The following DYNC2H1 variants were observed in gnomAD, a reference collection of about 807,000 sequenced individuals.
The protein encoded by DYNC2H1 is cytoplasmic dynein 2 heavy chain 1.
In DYNC2H1, 410 loss-of-function variants were observed where a neutral mutation model predicts 570.0. That is an observed-to-expected ratio of 0.72 (90% CI 0.66 to 0.78). The LOEUF is 0.78. Among genes scored for constraint, DYNC2H1 ranks in the 30% least tolerant of loss-of-function variants. The pLI, the probability that DYNC2H1 is intolerant of heterozygous loss-of-function variation, is 0.00. For missense variants in DYNC2H1, 4,865 were observed against 5,046.4 expected (o/e 0.96, Z 1.09); for synonymous variants, 1,688 against 1,677.6 (o/e 1.01, Z -0.15).
chr11:103,422,274 T>C (rs745897346), intron 84 of DYNC2H1, among the ~76,000 whole-genome samples: 10 of 152,178 alleles, frequency 6.6e-5, no homozygotes, highest in Admixed American at 1.3e-4. Flanking sequence ...AAAGAAGAGC[T>C]GGTACCGTTT....
chr11:103,235,523 T>G, intron 61 of DYNC2H1, 149 bp from the exon 62 acceptor site: 1 of 631,826 alleles, frequency 1.6e-6, no homozygotes, highest in East Asian at 3.1e-5. Context: ...CTGAGATCTT[T>G]TTGATATTTT....
intron 83 of DYNC2H1, among the ~76,000 whole-genome samples, chr11:103,392,485 T>C (rs1192203623): frequency 6.6e-6 from 1 of 152,200 alleles, no homozygotes; most frequent in African/African-American, 2.4e-5. Flanking sequence ...GGCTCACACT[T>C]GGTGCGCTGC....
rs754365306 is a variant in DYNC2H1 at position 103,324,195 on chromosome 11, CAG to C, written c.12039+206_12039+207del. Among the ~76,000 whole-genome samples the C allele has an allele frequency of 5.9e-5, 9 of 151,954 alleles. 1 individual carries two copies. The highest frequency in any genetic ancestry group is 9.7e-5 in the African/African-American group (4 of 41,324). Reference sequence around the variant, plus strand: ...TCTTTTTAAACTTTTATTTTAGACTCAGGGGAAATGTGCAGATTTGTTACATA... The same window carrying C: ...TCTTTTTAAACTTTTATTTTAGACTCGGGAAATGTGCAGATTTGTTACATA... On this transcript the variant is annotated intron_variant, in intron 82 of 88. Coordinates refer to ENST00000375735, the MANE Select transcript of DYNC2H1 (RefSeq NM_001377.3). The surrounding 1 kb of genome is among the most constrained non-coding windows in gnomAD (Gnocchi z 5.2).
chr11:103,408,527 A>T (rs1793494), intron 84 of DYNC2H1, among the ~76,000 whole-genome samples: 3 of 151,708 alleles, frequency 2.0e-5, no homozygotes, highest in African/African-American at 7.3e-5. Context: ...TTTATGAAGT[A>T]GGCCCTATTT....
At chr11:103,412,319 TATG>T (rs961765490) in intron 84 of DYNC2H1, among the ~76,000 whole-genome samples, 4 of 152,096 alleles carry the variant, frequency 2.6e-5, no homozygotes. Flanking sequence ...TTTGATAACT[TATG>T]ATGATCTGCT....
At position 103,143,407 on chromosome 11, in the gene DYNC2H1, T is replaced by C. The variant is rs1860068093; in HGVS notation, c.2702+12T>C. On this transcript the variant is annotated intron_variant, in intron 18 of 88. Transcript: ENST00000375735. ...GAACGACTTCCAAGGTATTGGAGGT[T>C]AATGTAGTACTTACGTACCATAATA... 1 of 1,604,146 alleles carries C rather than the reference T, an allele frequency of 6.2e-7. No homozygotes were observed. Among genetic ancestry groups the C allele is most frequent in the Admixed American group, 1.7e-5 (1 of 58,238 alleles).
intron 83 of DYNC2H1, among the ~76,000 whole-genome samples, chr11:103,370,709 T>C (rs1824691629): frequency 6.6e-6 from 1 of 152,082 alleles, no homozygotes; most frequent in South Asian, 2.1e-4. Context: ...CCAGATCTAG[T>C]CCAAGACCAT....
chr11:103,376,548 A>G (rs1284297019), intron 83 of DYNC2H1, among the ~76,000 whole-genome samples: 1 of 152,156 alleles, frequency 6.6e-6, no homozygotes, highest in Non-Finnish European at 1.5e-5. Flanking sequence ...TTTTAAGCTG[A>G]TAATGTAACT....
intron 31 of DYNC2H1, among the ~76,000 whole-genome samples, chr11:103,167,165 A>G (rs910282767): frequency 5.3e-5 from 8 of 151,252 alleles, no homozygotes; most frequent in African/African-American, 1.9e-4. Context: ...TATATTTTTT[A>G]TTCCTTTGCT....
At chr11:103,380,380 A>G (rs1246634576) in intron 83 of DYNC2H1, among the ~76,000 whole-genome samples, 3 of 152,202 alleles carry the variant, frequency 2.0e-5, no homozygotes, top group Non-Finnish European at 2.9e-5. Context: ...CTAATATGCA[A>G]TAGGTACTAT....
intron 81 of DYNC2H1, among the ~76,000 whole-genome samples, chr11:103,323,581 T>G (rs1208663026): frequency 1.3e-5 from 2 of 152,006 alleles, no homozygotes; most frequent in African/African-American, 4.8e-5. Context: ...CCTAAAAACA[T>G]CTAACATGGT....
In DYNC2H1 at chr11:103,209,224, T is replaced by C. The variant is rs1340927696; in HGVS notation, c.8455-652T>C. Among the ~76,000 whole-genome samples, 1 of 152,096 alleles carries C rather than the reference T, an allele frequency of 6.6e-6. No homozygotes were observed. The highest frequency in any genetic ancestry group is 1.5e-5 in the Non-Finnish European group (1 of 67,998). On this transcript the variant is annotated intron_variant, in intron 52 of 88. Coordinates refer to ENST00000375735, the MANE Select transcript of DYNC2H1 (RefSeq NM_001377.3). This position sits in a 1 kb window ranked among gnomAD's most constrained non-coding sequence, Gnocchi z 4.2. ...TATCAGGTGAAAGAAATTGAAGCTA[T>C]TTGGCTTAATTTAAAATTTCAAAAT...
At chr11:103,149,060 ATAAATAAATAAG>A (rs1480934495) in intron 20 of DYNC2H1, among the ~76,000 whole-genome samples, 1 of 152,200 alleles carries the variant, frequency 6.6e-6, no homozygotes, top group Non-Finnish European at 1.5e-5. Context: ...CTGTCTCGAA[ATAAATAAATAAG>A]TAAATAAATA....
chr11:103,195,488 C>T (rs1862479996), intron 47 of DYNC2H1, among the ~76,000 whole-genome samples: 1 of 152,168 alleles, frequency 6.6e-6, no homozygotes, highest in Non-Finnish European at 1.5e-5. Flanking sequence ...TTTCTGGGTT[C>T]TCCATTGATG....
chr11:103,354,010 C>G (rs1405662013), intron 82 of DYNC2H1, among the ~76,000 whole-genome samples: 1 of 151,716 alleles, frequency 6.6e-6, no homozygotes, highest in African/African-American at 2.4e-5. Context: ...AACTCTGTTC[C>G]TATTAAAAAT....
At chr11:103,320,958 A>C in intron 80 of DYNC2H1, 71 bp from the exon 81 acceptor site, 1 of 1,193,280 alleles carries the variant, frequency 8.4e-7, no homozygotes, top group Non-Finnish European at 1.2e-6. Flanking sequence ...CATGTTATAA[A>C]TATAACTCAA....
chr11:103,432,243 A>G (rs1244523353), intron 84 of DYNC2H1, among the ~76,000 whole-genome samples: 1 of 152,136 alleles, frequency 6.6e-6, no homozygotes, highest in Non-Finnish European at 1.5e-5. Context: ...CTTCAAAACA[A>G]CGATTTTTGG....
At chr11:103,471,713 A>G (rs1565629062) in intron 88 of DYNC2H1, among the ~76,000 whole-genome samples, 1 of 152,328 alleles carries the variant, frequency 6.6e-6, no homozygotes, top group East Asian at 1.9e-4. Flanking sequence ...GAGTTTTTAT[A>G]TACCAGATGT....
Position 103,199,448 on chromosome 11 carries a change from T to C in DYNC2H1, c.8060T>C (p.Leu2687Pro), listed in dbSNP as rs1386216588. Residue 2687 changes from leucine (L) to proline (P), a missense_variant, in exon 49 of 89, where the codon CTG (leucine) becomes CCG (proline). Leu to Pro is a moderately conservative substitution (Grantham distance 98). Around this residue, in one of 5 missense-constraint regions of DYNC2H1, gnomAD observed 2,401 missense variants for 2,454.6 expected, o/e 0.98. Coordinates refer to ENST00000375735, the MANE Select transcript of DYNC2H1 (RefSeq NM_001377.3). This position sits in a 1 kb window ranked among gnomAD's most constrained non-coding sequence, Gnocchi z 4.6. ...CCAAAGATTTCCAGAGGATATGAACTGAAGCAGTTCAAAAATGATCTCAAA... is the reference window on the plus strand; with the variant it reads ...CCAAAGATTTCCAGAGGATATGAACCGAAGCAGTTCAAAAATGATCTCAAA... ...FSPKISRGYE[L>P]KQFKNDLKHV... 6.3e-7 allele frequency: 1 copy of C among 1,593,044 alleles called. No homozygotes were observed. Among genetic ancestry groups the C allele is most frequent in the Non-Finnish European group, 8.6e-7 (1 of 1,168,694 alleles).
Sources: allele counts gnomAD v4.1 joint callset (sites outside exome capture counted in the v4.1 genomes callset), GRCh38; gene constraint gnomAD v4.1.1; regional missense constraint gnomAD v4.1.1; non-coding constraint Gnocchi (gnomAD v3.1); transcripts MANE v1.5; gene names NCBI Gene and HGNC (gene_info 2026-07-23, HGNC 2026-07-21).